Variants in HKDC1 observed in about 807,000 individuals in gnomAD.
HKDC1 encodes the protein hexokinase HKDC1.
Under a neutral mutation model 96.6 loss-of-function variants are expected in HKDC1, and 66 were observed. That is an observed-to-expected ratio of 0.68 (90% CI 0.56 to 0.84). The LOEUF (loss-of-function observed/expected upper bound fraction) is 0.84. HKDC1 is among the 40% of genes least tolerant of loss of function. The probability of loss-of-function intolerance (pLI) is 0.00; values close to 1 mark genes in which losing one functional copy is unlikely to be tolerated. For missense variants in HKDC1, 1,211 were observed against 1,208.1 expected, an observed-to-expected ratio of 1.00 and a Z score of -0.04; for synonymous variants, 466 against 473.1, an observed-to-expected ratio of 0.98 and a Z score of 0.20.
Position 69,267,294 on chromosome 10 carries a change from AAGTATCCAGCCCCAGGGTGCAGAG to A in HKDC1, c.*540_*563del. 2.9e-6 allele frequency: 1 copy of A among 342,164 alleles called. No individual in the cohort carries two copies. The highest frequency in any genetic ancestry group is 2.4e-5 in the South Asian group (1 of 41,788). The allele number at this position is 342,164 out of a possible 1,614,324, so 21.2% of individuals were successfully genotyped here. ...ACCTATTAAGAGAACAAAGACTTTGAAGTATCCAGCCCCAGGGTGCAGAGAGGTTGATTGCCAGGGAGCACTGCA... is the reference window on the plus strand; with the variant it reads ...ACCTATTAAGAGAACAAAGACTTTGAAGGTTGATTGCCAGGGAGCACTGCA... On this transcript the variant is annotated 3_prime_UTR_variant, in exon 18 of 18. Transcript: ENST00000354624.
At chr10:69,236,288 A>G (rs1589406597) in intron 4 of HKDC1, among the ~76,000 whole-genome samples, 1 of 151,482 alleles carries the variant, frequency 6.6e-6, no homozygotes, top group African/African-American at 2.4e-5. Context: ...TTGTATTTTC[A>G]GTAGAGACGG....
At chr10:69,253,555 T>G (rs557574639) in intron 12 of HKDC1, among the ~76,000 whole-genome samples, 2 of 152,232 alleles carry the variant, frequency 1.3e-5, no homozygotes, top group Non-Finnish European at 2.9e-5. Flanking sequence ...TTAACTTCTC[T>G]GAGGCATGGT....
chr10:69,243,287 A>G lies in HKDC1; in HGVS notation c.797A>G (p.Asp266Gly). The change falls in exon 7 of 18, where the codon GAC becomes GGC. Residue 266 changes from aspartate to glycine, a missense_variant. Coordinates refer to ENST00000354624, the MANE Select transcript of HKDC1 (RefSeq NM_025130.4). ...AACACAGAGTGGGGGGCCTTCGGGG[A>G]CGACGGGGCCCTGGAGGACATTCGC... ...CINTEWGAFGDDGALEDIRTE... is the reference protein window; with the variant it reads ...CINTEWGAFGGDGALEDIRTE... The G allele has an allele frequency of 6.2e-7, 1 of 1,613,964 alleles. No individual in the cohort carries two copies. The highest frequency in any genetic ancestry group is 1.3e-5 in the African/African-American group (1 of 75,040).
intron 6 of HKDC1, among the ~76,000 whole-genome samples, chr10:69,242,492 C>T (rs932988414): frequency 2.7e-5 from 4 of 149,896 alleles, no homozygotes; most frequent in African/African-American, 4.9e-5. Flanking sequence ...AAAAGTCCTC[C>T]GATTTTAGGT....
chr10:69,257,691 G>GT (rs986003714), intron 14 of HKDC1, among the ~76,000 whole-genome samples: 4 of 152,154 alleles, frequency 2.6e-5, no homozygotes, highest in Admixed American at 2.0e-4. Flanking sequence ...GTCATGGGGG[G>GT]GGGAAGGAGA....
In HKDC1 at chr10:69,261,337, T is replaced by G. The variant is rs1262727549; in HGVS notation, c.2372+43T>G. 1.9e-6 allele frequency: 3 copies of G among 1,591,970 alleles called. No individual in the cohort carries two copies. The African/African-American group carries it at 4.0e-5, about 21-fold the overall frequency. On this transcript the variant is annotated intron_variant, in intron 16 of 17. Transcript: ENST00000354624. Reference sequence around the variant, plus strand: ...TCATCATGAGGCTCTGACTGGCATATGCTGCCACCACGCTGGGGTTGGGCC... The same window carrying G: ...TCATCATGAGGCTCTGACTGGCATAGGCTGCCACCACGCTGGGGTTGGGCC...
intron 7 of HKDC1, 110 bp downstream of exon 7, chr10:69,243,475 ACTTT>A (rs1843488651): frequency 1.4e-5 from 12 of 880,264 alleles, no homozygotes; most frequent in South Asian, 2.4e-5. Flanking sequence ...ATCCATCACA[ACTTT>A]CTTTCTTTTT....
At chr10:69,231,660 C>T (rs773017297) in intron 2 of HKDC1, among the ~76,000 whole-genome samples, 10 of 152,142 alleles carry the variant, frequency 6.6e-5, no homozygotes, top group Non-Finnish European at 1.2e-4. Flanking sequence ...CTGATTTATG[C>T]GCCTGTATTT....
At chr10:69,250,016 G>C (rs1340426886) in intron 10 of HKDC1, among the ~76,000 whole-genome samples, 1 of 152,198 alleles carries the variant, frequency 6.6e-6, no homozygotes, top group Non-Finnish European at 1.5e-5. Context: ...TCCAGGCCAG[G>C]GCTCTTTTCA....
chr10:69,242,266 C>T (rs369498676), intron 6 of HKDC1, among the ~76,000 whole-genome samples: 1 of 145,300 alleles, frequency 6.9e-6, no homozygotes, highest in Non-Finnish European at 1.5e-5. Context: ...ACTGTGGCTG[C>T]GTCTGGTAAC....
At position 69,261,301 on chromosome 10, in the gene HKDC1, T is replaced by C; in HGVS notation, c.2372+7T>C. The C allele has an allele frequency of 6.2e-7, 1 of 1,612,884 alleles. No homozygotes were observed. The highest frequency in any genetic ancestry group is 8.5e-7 in the Non-Finnish European group (1 of 1,178,930). On this transcript the variant is annotated splice_region_variant and intron_variant, in intron 16 of 17. Coordinates refer to ENST00000354624, the MANE Select transcript of HKDC1 (RefSeq NM_025130.4). ...TCCTGTCCCAGATCGAAAGGTGACC[T>C]GTGATCAAGTTCATCATGAGGCTCT...
At chr10:69,224,529 C>T (rs981797526) in intron 1 of HKDC1, among the ~76,000 whole-genome samples, 6 of 152,248 alleles carry the variant, frequency 3.9e-5, no homozygotes, top group African/African-American at 1.4e-4. Flanking sequence ...GTGATCCACC[C>T]GCCTCGGCCT....
intron 10 of HKDC1, among the ~76,000 whole-genome samples, chr10:69,249,258 C>T (rs1402434937): frequency 6.6e-6 from 1 of 152,308 alleles, no homozygotes; most frequent in East Asian, 1.9e-4. Context: ...TTGAATCTCA[C>T]GAGACTCTTC....
intron 2 of HKDC1, among the ~76,000 whole-genome samples, chr10:69,230,725 T>C (rs557236795): frequency 4.8e-4 from 73 of 152,350 alleles, no homozygotes; most frequent in Non-Finnish European, 9.1e-4. Flanking sequence ...GTGATCCTCC[T>C]GCTTCAGCCT....
Position 69,247,592 on chromosome 10 carries a change from C to G in HKDC1, c.1264C>G (p.Gln422Glu), listed in dbSNP as rs769215392. The change falls in exon 9 of 18, where the codon CAG becomes GAG. Residue 422 changes from glutamine (Q) to glutamate (E), a missense_variant and splice_region_variant. By Grantham distance (29) the Gln-to-Glu change is conservative (BLOSUM62 2). Coordinates refer to ENST00000354624, the MANE Select transcript of HKDC1 (RefSeq NM_025130.4). ...CGGCACCCTCTACAAGATACACCCT[C>G]AGTGAGTGCTGCCTGCCATCCACGC... ...MDGTLYKIHP[Q>E]YPKRLHKVVR... The G allele has an allele frequency of 2.0e-5, 33 of 1,612,380 alleles. 2 individuals carry two copies. In the South Asian group the frequency reaches 3.4e-4, roughly 17 times the overall value.
chr10:69,266,594 T>C lies in HKDC1; in HGVS notation c.2607-16T>C. 6.2e-7 allele frequency: 1 copy of C among 1,613,058 alleles called. No individual in the cohort carries two copies. Among genetic ancestry groups the C allele is most frequent in the Non-Finnish European group, 8.5e-7 (1 of 1,179,440 alleles). On this transcript the variant is annotated splice_polypyrimidine_tract_variant and intron_variant, in intron 17 of 17. Transcript: ENST00000354624. ...TACATGGAAGGGCTGATGATGTTTCTTTCTCTTTTTCATAGCTTTTCTAGA... is the reference window on the plus strand; with the variant it reads ...TACATGGAAGGGCTGATGATGTTTCCTTCTCTTTTTCATAGCTTTTCTAGA...
intron 10 of HKDC1, 133 bp downstream of exon 10, chr10:69,248,861 C>A: frequency 1.3e-6 from 1 of 797,986 alleles, no homozygotes; most frequent in Non-Finnish European, 1.9e-6. Flanking sequence ...AAGAAGAAGG[C>A]TAGTATTCTT....
chr10:69,240,576 G>A (rs1028538090), intron 5 of HKDC1, 76 bp from the exon 6 acceptor site: 2 of 1,233,590 alleles, frequency 1.6e-6, no homozygotes, highest in Non-Finnish European at 2.4e-6. Flanking sequence ...TTCACTACCT[G>A]CTGCCTCTGT....
At chr10:69,258,468 A>AATG (rs752141429) in intron 14 of HKDC1, among the ~76,000 whole-genome samples, 60 of 152,062 alleles carry the variant, frequency 3.9e-4, no homozygotes, top group African/African-American at 5.5e-4. Context: ...TAACAAAGAT[A>AATG]ATGATGATGA....
Sources: allele counts gnomAD v4.1 joint callset (sites outside exome capture counted in the v4.1 genomes callset), GRCh38; gene constraint gnomAD v4.1.1; transcripts MANE v1.5; gene names NCBI Gene and HGNC (gene_info 2026-07-23, HGNC 2026-07-21).